Variants in RASSF3 observed in about 807,000 individuals in gnomAD.
RASSF3 encodes ras association domain-containing protein 3.
In RASSF3, 19 loss-of-function variants were observed where a neutral mutation model predicts 19.9. That is an observed-to-expected ratio of 0.96 (90% CI 0.67 to 1.40). RASSF3 has a LOEUF of 1.40. Among genes scored for constraint, RASSF3 ranks in the 40% most tolerant of loss-of-function variants. The probability of loss-of-function intolerance (pLI) is 0.00; values close to 1 mark genes in which losing one functional copy is unlikely to be tolerated. For synonymous variants in RASSF3, 110 were observed against 104.2 expected (o/e 1.06, Z -0.34); for missense variants, 306 against 289.8 (o/e 1.06, Z -0.41).
intron 2 of RASSF3, among the ~76,000 whole-genome samples, chr12:64,556,377 C>T (rs1348496163): frequency 2.0e-5 from 3 of 151,948 alleles, no homozygotes; most frequent in African/African-American, 4.8e-5. Flanking sequence ...AGGCTGGTCT[C>T]GAATTCCTGG....
chr12:64,678,620 CTT>C, intron 1 of RASSF3, among the ~76,000 whole-genome samples: 1 of 83,360 alleles, frequency 1.2e-5, no homozygotes, highest in African/African-American at 4.6e-5. Flanking sequence ...GGTAAAAGGT[CTT>C]TATTTTTTAA....
chr12:64,614,966 T>C (rs1870502559), intron 1 of RASSF3, among the ~76,000 whole-genome samples: 1 of 152,160 alleles, frequency 6.6e-6, no homozygotes, highest in Non-Finnish European at 1.5e-5. Flanking sequence ...CCCAAAGTGC[T>C]GGGATTATAG....
intron 1 of RASSF3, among the ~76,000 whole-genome samples, chr12:64,651,220 A>G (rs992628959): frequency 6.6e-6 from 1 of 152,218 alleles, no homozygotes; most frequent in African/African-American, 2.4e-5. Context: ...TTACAACTAA[A>G]TGTCAGGAAA....
chr12:64,630,617 A>G (rs1261879), intron 1 of RASSF3, among the ~76,000 whole-genome samples: 120,214 of 152,112 alleles, frequency 0.79, 47,873 homozygotes, highest in African/African-American at 0.85. Context: ...CTACTCAGGA[A>G]TGAGTTATAG....
At chr12:64,684,001 AGAGAGAGAGTGAGTGTGTGT>A (rs140980213) in intron 1 of RASSF3, among the ~76,000 whole-genome samples, 11,809 of 113,940 alleles carry the variant, frequency 0.1, 621 homozygotes, top group Middle Eastern at 0.19. Flanking sequence ...AGAGAGAGAG[AGAGAGAGAGTGAGTGTGTGT>A]GTGTGTGTGT....
rs117566233 is a variant in RASSF3, at chr12:64,525,562, G to A, written c.170-16019G>A. 6.4e-4 allele frequency among the ~76,000 whole-genome samples: 97 copies of A among 152,218 alleles called. No individual in the cohort carries two copies. In the Middle Eastern group the frequency reaches 0.01, roughly 16 times the overall value. ...CATTGTCTCATATGAACAGTCATAC[G>A]CATTCTCCCACTTCATTTTCAGCCT... On this transcript the variant is annotated intron_variant, in intron 1 of 5. Coordinates refer to the RASSF3 transcript ENST00000637125.
chr12:64,668,301 G>T lies in RASSF3; in HGVS notation c.112-16486G>T, dbSNP rs537644667. On this transcript the variant is annotated intron_variant, in intron 1 of 4. Transcript: ENST00000542104. Reference sequence around the variant, plus strand: ...TTTTTTTTTCTCTTCAATTGAAACAGGGTCTCACTGTCTTGCCCAGGCTGA... The same window carrying T: ...TTTTTTTTTCTCTTCAATTGAAACATGGTCTCACTGTCTTGCCCAGGCTGA... Among the ~76,000 whole-genome samples the T allele has an allele frequency of 1.5e-4, 22 of 145,914 alleles. No homozygotes were observed. In the South Asian group the frequency reaches 4.5e-3, roughly 30 times the overall value.
At chr12:64,534,180 G>A (rs1250389216) in intron 1 of RASSF3, among the ~76,000 whole-genome samples, 2 of 152,114 alleles carry the variant, frequency 1.3e-5, no homozygotes, top group African/African-American at 2.4e-5. Context: ...AAGATTGCTT[G>A]AGCCCAGGAG....
chr12:64,579,262 A>G (rs2136134193), intron 2 of RASSF3, among the ~76,000 whole-genome samples: 1 of 152,202 alleles, frequency 6.6e-6, no homozygotes, highest in East Asian at 1.9e-4. Context: ...TAATCAAGGC[A>G]TGGAAATAAT....
At chr12:64,584,486 A>G (rs555383926) in intron 2 of RASSF3, among the ~76,000 whole-genome samples, 1 of 148,016 alleles carries the variant, frequency 6.8e-6, no homozygotes, top group South Asian at 2.2e-4. Context: ...GCCTTCTACA[A>G]AAGAGGTCCA....
rs142260920 is a variant in RASSF3 at position 64,583,281 on chromosome 12, G to A, written c.294+41576G>A. 6.9e-3 allele frequency among the ~76,000 whole-genome samples: 1,050 copies of A among 152,246 alleles called. 10 individuals are homozygous for A. Among genetic ancestry groups the A allele is most frequent in the African/African-American group, 0.025 (1,024 of 41,548 alleles). ...CTCCCTTTTTACTCACTGTTAATGG[G>A]GTGAAAAGCTCAAGTGTTCCATGTC... On this transcript the variant is annotated intron_variant, in intron 2 of 5. Transcript: ENST00000637125.
At chr12:64,541,252 C>T (rs1258754368) in intron 1 of RASSF3, among the ~76,000 whole-genome samples, 1 of 150,130 alleles carries the variant, frequency 6.7e-6, no homozygotes, top group Non-Finnish European at 1.5e-5. Flanking sequence ...TCCCAAAGTG[C>T]TGGGATTACA....
Position 64,694,770 on chromosome 12 carries a change from C to T in RASSF3, c.575C>T (p.Ala192Val). 1 of 1,614,126 alleles carries T rather than the reference C, an allele frequency of 6.2e-7. No individual in the cohort carries two copies. Among genetic ancestry groups the T allele is most frequent in the Non-Finnish European group, 8.5e-7 (1 of 1,179,952 alleles). ...TTCTGTGTTTCCTGACAGTGGGAAG[C>T]CTTCAGCCTTCCAGAACTACAGAAT... ...LREHEIGEWE[A>V]FSLPELQNFL... The change falls in exon 5 of 5, where the codon GCC becomes GTC. Residue 192 changes from alanine to valine, a missense_variant. Transcript: ENST00000542104.
intron 2 of RASSF3, among the ~76,000 whole-genome samples, chr12:64,596,890 C>T (rs570244309): frequency 4.6e-5 from 7 of 152,074 alleles, no homozygotes; most frequent in South Asian, 2.1e-4. Flanking sequence ...CCACCACACC[C>T]GGTTAATTTT....
chr12:64,594,148 C>T (rs576749068), intron 2 of RASSF3, among the ~76,000 whole-genome samples: 25 of 151,770 alleles, frequency 1.6e-4, no homozygotes, highest in African/African-American at 4.1e-4. Context: ...GCCTGGGCAA[C>T]GTAGTGAGAC....
chr12:64,695,998 C>T lies in RASSF3; in HGVS notation c.*1086C>T, dbSNP rs952978609. ...GTCAAGTAAACTTTGGTGACAATCA[C>T]TCTCTTCCCTTTTATTCCTCCTTTC... On this transcript the variant is annotated 3_prime_UTR_variant, in exon 5 of 5. Transcript: ENST00000542104. 6.6e-6 allele frequency: 1 copy of T among 152,060 alleles called. No individual in the cohort carries two copies. Among genetic ancestry groups the T allele is most frequent in the African/African-American group, 2.4e-5 (1 of 41,380 alleles). The allele number at this position is 152,060 out of a possible 1,614,324, so 9.4% of individuals were successfully genotyped here.
intron 2 of RASSF3, among the ~76,000 whole-genome samples, chr12:64,598,893 C>G (rs1364339747): frequency 7.0e-5 from 8 of 114,864 alleles, no homozygotes; most frequent in Non-Finnish European, 1.2e-4. Context: ...CCCCCCTCCC[C>G]CCACCCCACA....
At chr12:64,675,784 A>G (rs538047794) in intron 1 of RASSF3, among the ~76,000 whole-genome samples, 1 of 152,106 alleles carries the variant, frequency 6.6e-6, no homozygotes, top group Non-Finnish European at 1.5e-5. Context: ...TGCTGTTCAA[A>G]GCATGAACAA....
chr12:64,683,226 T>G (rs1457904496), intron 1 of RASSF3, among the ~76,000 whole-genome samples: 2 of 152,208 alleles, frequency 1.3e-5, no homozygotes, highest in African/African-American at 4.8e-5. Flanking sequence ...TTCAGCAGTT[T>G]AATTTACTGA....
Sources: gnomAD v4.1 joint callset for allele counts (sites outside exome capture counted in the v4.1 genomes callset) on GRCh38, gnomAD v4.1.1 for gene constraint, MANE v1.5 for transcripts, NCBI Gene and HGNC (gene_info 2026-07-23, HGNC 2026-07-21) for gene names.